NMNAT2: variants seen among roughly 807,000 people sequenced by gnomAD.
NMNAT2 encodes the protein nicotinamide/nicotinic acid mononucleotide adenylyltransferase 2.
Under a neutral mutation model 41.6 loss-of-function variants are expected in NMNAT2, and 11 were observed. That is an observed-to-expected ratio of 0.26 (90% CI 0.17 to 0.44). The LOEUF (loss-of-function observed/expected upper bound fraction) is 0.44. Ranked by LOEUF, NMNAT2 falls within the 20% of genes least tolerant of loss-of-function variation. NMNAT2 has a pLI of 1.00. For synonymous variants in NMNAT2, 148 were observed against 151.2 expected (o/e 0.98, Z 0.16); for missense variants, 288 against 407.7 (o/e 0.71, Z 2.53).
rs563703040 is a variant in NMNAT2 at position 183,338,104 on chromosome 1, G to A, written c.86-44311C>T. The stretch of plus-strand genomic sequence containing the variant: ...TAGTCCTAGCTACAGGAGGATCACT[G>A]GAGCCCAGACCAGCCCAGGCAACAT... On this transcript the variant is annotated intron_variant, in intron 1 of 10. Transcript: ENST00000287713. Among the ~76,000 whole-genome samples the A allele has an allele frequency of 7.9e-5, 11 of 139,172 alleles. No individual in the cohort carries two copies. In the Admixed American group the frequency reaches 8.6e-4, roughly 11 times the overall value. 91.3% of individuals were successfully genotyped at this position (139,172 alleles called of 152,430 possible).
chr1:183,311,970 A>C (rs1423614143), intron 1 of NMNAT2, among the ~76,000 whole-genome samples: 1 of 152,126 alleles, frequency 6.6e-6, no homozygotes, highest in Admixed American at 6.6e-5. Flanking sequence ...GTTTCCCTGC[A>C]CAAGCGCTCT....
chr1:183,365,471 A>C (rs1371105527), intron 1 of NMNAT2, among the ~76,000 whole-genome samples: 1 of 151,882 alleles, frequency 6.6e-6, no homozygotes, highest in Non-Finnish European at 1.5e-5. Context: ...AAAAATAAGA[A>C]ACAGGCCAGG....
At chr1:183,418,013 C>T (rs1470097431) in intron 1 of NMNAT2, among the ~76,000 whole-genome samples, 170 bp downstream of exon 1, 1 of 152,154 alleles carries the variant, frequency 6.6e-6, no homozygotes, top group Non-Finnish European at 1.5e-5. Flanking sequence ...ACGCAGTCTG[C>T]GTACCCTCCC....
In NMNAT2 at chr1:183,405,137, G is replaced by A. The variant is rs193169716; in HGVS notation, c.85+13046C>T. On this transcript the variant is annotated intron_variant, in intron 1 of 10. Transcript: ENST00000287713. Reference sequence around the variant, plus strand: ...TGGAAGGCTGAGGTGAAAGGATCACGTGAGCCCAGGAGGTCAAGGCTGCAG... The same window carrying A: ...TGGAAGGCTGAGGTGAAAGGATCACATGAGCCCAGGAGGTCAAGGCTGCAG... 4.8e-3 allele frequency among the ~76,000 whole-genome samples: 723 copies of A among 152,198 alleles called. 3 individuals carry two copies. The highest frequency in any genetic ancestry group is 9.5e-3 in the Admixed American group (146 of 15,290).
chr1:183,412,712 A>G lies in NMNAT2; in HGVS notation c.85+5471T>C, dbSNP rs77297400. ...GATAAAGAGATTCCAAAACATTTGG[A>G]CATAAATAGTGTGTCCAAAACAGGG... On this transcript the variant is annotated intron_variant, in intron 1 of 10. Coordinates refer to ENST00000287713, the MANE Select transcript of NMNAT2 (RefSeq NM_015039.4). Among the ~76,000 whole-genome samples the G allele has an allele frequency of 6.0e-3, 908 of 152,358 alleles. 7 individuals carry two copies. The highest frequency in any genetic ancestry group is 0.021 in the East Asian group (107 of 5,186).
intron 2 of NMNAT2, among the ~76,000 whole-genome samples, chr1:183,293,226 G>A (rs957470434): frequency 1.3e-5 from 2 of 152,232 alleles, no homozygotes; most frequent in African/African-American, 4.8e-5. Flanking sequence ...TGCATCTGTG[G>A]GAGAAAGGGG....
At chr1:183,317,685 C>A (rs114082029) in intron 1 of NMNAT2, among the ~76,000 whole-genome samples, 1 of 152,148 alleles carries the variant, frequency 6.6e-6, no homozygotes, top group Admixed American at 6.5e-5. Context: ...CTCTGTTTTC[C>A]TCTCATTTTA....
chr1:183,324,292 G>A (rs1662414095), intron 1 of NMNAT2, among the ~76,000 whole-genome samples: 1 of 152,232 alleles, frequency 6.6e-6, no homozygotes, highest in African/African-American at 2.4e-5. Context: ...ACTGCTGAGA[G>A]AGTATTCAAA....
intron 1 of NMNAT2, among the ~76,000 whole-genome samples, chr1:183,370,265 C>T (rs541498724): frequency 1.8e-3 from 278 of 150,648 alleles, no homozygotes; most frequent in African/African-American, 6.5e-3. Flanking sequence ...CACACACACA[C>T]ACACACACAC....
At chr1:183,340,620 G>A (rs2102344809) in intron 1 of NMNAT2, among the ~76,000 whole-genome samples, 1 of 152,286 alleles carries the variant, frequency 6.6e-6, no homozygotes. Context: ...CACCGTGCCT[G>A]GCCTCTGGGT....
At chr1:183,375,803 G>C (rs1663666242) in intron 1 of NMNAT2, among the ~76,000 whole-genome samples, 1 of 152,004 alleles carries the variant, frequency 6.6e-6, no homozygotes, top group Non-Finnish European at 1.5e-5. Flanking sequence ...GTACTTATGA[G>C]TCAATGGGTA....
chr1:183,382,374 A>G (rs576534518), intron 1 of NMNAT2, among the ~76,000 whole-genome samples: 2 of 152,262 alleles, frequency 1.3e-5, no homozygotes, highest in East Asian at 3.9e-4. Flanking sequence ...TCCAAACCAT[A>G]TCTTTTCCAC....
At chr1:183,287,373 C>G (rs982443813) in intron 4 of NMNAT2, among the ~76,000 whole-genome samples, 11 of 152,156 alleles carry the variant, frequency 7.2e-5, no homozygotes, top group Non-Finnish European at 1.5e-4. Context: ...CACAGCCAAG[C>G]AAGAGGGAGA....
At chr1:183,286,851 C>G in intron 4 of NMNAT2, 63 bp from the exon 5 acceptor site, 1 of 1,546,144 alleles carries the variant, frequency 6.5e-7, no homozygotes, top group Non-Finnish European at 8.8e-7. Context: ...AAAGTTATCT[C>G]CAAGTGGTCA....
intron 1 of NMNAT2, among the ~76,000 whole-genome samples, chr1:183,417,907 C>T (rs1014907882): frequency 9.6e-4 from 146 of 152,270 alleles, no homozygotes; most frequent in African/African-American, 3.4e-3. Context: ...CGAACCCCTG[C>T]CCAGCCCCAA....
chr1:183,357,635 T>C (rs928867845), intron 1 of NMNAT2, among the ~76,000 whole-genome samples: 1 of 152,236 alleles, frequency 6.6e-6, no homozygotes, highest in Non-Finnish European at 1.5e-5. Context: ...GTACAAGCGT[T>C]CTTTTTTCTC....
chr1:183,349,565 C>T (rs116882634), intron 1 of NMNAT2, among the ~76,000 whole-genome samples: 3,137 of 152,354 alleles, frequency 0.021, 77 homozygotes, highest in South Asian at 0.098. Context: ...ACCCAGCAAG[C>T]CTTTGGGGCA....
intron 1 of NMNAT2, among the ~76,000 whole-genome samples, chr1:183,386,507 G>T (rs778488668): frequency 6.6e-5 from 10 of 152,078 alleles, no homozygotes; most frequent in Non-Finnish European, 1.2e-4. Context: ...CAAAAGCAAA[G>T]AAATTTAACA....
chr1:183,296,837 T>G (rs1441477824), intron 1 of NMNAT2, among the ~76,000 whole-genome samples: 4 of 152,144 alleles, frequency 2.6e-5, no homozygotes, highest in African/African-American at 9.7e-5. Context: ...TTAAAAGAGT[T>G]GTAGTACTTC....
Sources: gnomAD v4.1 joint callset for allele counts (sites outside exome capture counted in the v4.1 genomes callset) on GRCh38, gnomAD v4.1.1 for gene constraint, MANE v1.5 for transcripts, NCBI Gene and HGNC (gene_info 2026-07-23, HGNC 2026-07-21) for gene names.